The following MLST8 variants were observed in gnomAD, a reference collection of about 807,000 sequenced individuals.
MLST8 encodes target of rapamycin complex subunit LST8.
Under a neutral mutation model 41.3 loss-of-function variants are expected in MLST8, and 20 were observed. The ratio of observed to expected loss-of-function variants is 0.48; its 90% CI spans 0.34 to 0.70. The LOEUF (loss-of-function observed/expected upper bound fraction) is 0.70. Ranked by LOEUF, MLST8 falls within the 30% of genes least tolerant of loss-of-function variation. The pLI is 0.01. For synonymous variants in MLST8, 243 were observed against 183.0 expected, an observed-to-expected ratio of 1.33 and a Z score of -2.65; for missense variants, 422 against 454.3, an observed-to-expected ratio of 0.93 and a Z score of 0.65.
Position 2,208,968 on chromosome 16 carries a change from C to A in MLST8, c.*91C>A. On this transcript the variant is annotated 3_prime_UTR_variant, in exon 9 of 9. Coordinates refer to ENST00000569417, the MANE Select transcript of MLST8 (RefSeq NM_022372.6). Reference sequence around the variant, plus strand: ...GTCAGAGCAGACCCTCCCCTGCCGGCCTGCGCCAGCTGGACCTGATGGCCC... The same window carrying A: ...GTCAGAGCAGACCCTCCCCTGCCGGACTGCGCCAGCTGGACCTGATGGCCC... 7.1e-7 allele frequency: 1 copy of A among 1,416,866 alleles called. No individual in the cohort carries two copies. Among genetic ancestry groups the A allele is most frequent in the Non-Finnish European group, 9.8e-7 (1 of 1,019,744 alleles). 87.8% of individuals were successfully genotyped at this position (1,416,866 alleles called of 1,614,324 possible). A position where few individuals can be genotyped will look rare whatever the true frequency, so the allele number is the denominator to read the frequency against.
In MLST8 at chr16:2,207,016, G is replaced by T. The variant is rs1295959288; in HGVS notation, c.345-19G>T. On this transcript the variant is annotated intron_variant, in intron 4 of 8. Coordinates refer to ENST00000569417, the MANE Select transcript of MLST8 (RefSeq NM_022372.6). ...CAACAAGCCCAGATGGACAGCATGT[G>T]CCCCGGCCCGGCCCGCAGGTCCCGG... 1.9e-6 allele frequency: 3 copies of T among 1,612,150 alleles called. No homozygotes were observed. Among genetic ancestry groups the T allele is most frequent in the Admixed American group, 3.3e-5 (2 of 59,948 alleles).
chr16:2,207,734 G>A, intron 6 of MLST8: 1 of 269,552 alleles, frequency 3.7e-6, no homozygotes. Context: ...GTCAGTATCA[G>A]CCAGGTGGCG....
chr16:2,208,529 A>G lies in MLST8; in HGVS notation c.778A>G (p.Ile260Val), dbSNP rs2093342680. The change falls in exon 8 of 9, where the codon ATC becomes GTC. Residue 260 changes from isoleucine to valine, a missense_variant. By Grantham distance (29) the Ile-to-Val change is conservative. Transcript: ENST00000569417. ...CTTCTCCCTGATGACGGAGCTGAGCATCAAGAGCGGCAACCCCGGGGAGTC... is the reference window on the plus strand; with the variant it reads ...CTTCTCCCTGATGACGGAGCTGAGCGTCAAGAGCGGCAACCCCGGGGAGTC... ...SNFSLMTELS[I>V]KSGNPGESSR... 1.2e-6 allele frequency: 2 copies of G among 1,613,222 alleles called. No individual in the cohort carries two copies. The highest frequency in any genetic ancestry group is 1.7e-6 in the Non-Finnish European group (2 of 1,179,886).
intron 1 of MLST8, 178 bp from the exon 2 acceptor site, chr16:2,205,853 G>A: frequency 7.7e-7 from 1 of 1,299,846 alleles, no homozygotes; most frequent in Non-Finnish European, 9.9e-7. Flanking sequence ...GATGGAGCAC[G>A]CGCCCTGGAG....
In MLST8 at chr16:2,208,195, C is replaced by T. The variant is rs778966879; in HGVS notation, c.574-15C>T. ...GAGGCCTTGGGCCCTCCGTGACGGT[C>T]CTCCTGACCTCTAGGGAAACTGCTA... On this transcript the variant is annotated splice_polypyrimidine_tract_variant and intron_variant, in intron 6 of 8. Coordinates refer to ENST00000569417, the MANE Select transcript of MLST8 (RefSeq NM_022372.6). The T allele has an allele frequency of 1.9e-6, 3 of 1,595,578 alleles. No individual in the cohort carries two copies. The highest frequency in any genetic ancestry group is 1.3e-5 in the African/African-American group (1 of 74,496).
rs762825593 is a variant in MLST8, at chr16:2,209,394, C to T, written c.*517C>T. ...GGGAGGTAATAAAAGCAGACCGACA[C>T]GCAGATGTTGCTCGGGAAGCAGATG... On this transcript the variant is annotated 3_prime_UTR_variant, in exon 9 of 9. Transcript: ENST00000569417. 16 of 1,613,630 alleles carry T rather than the reference C, an allele frequency of 9.9e-6. No homozygotes were observed. The highest frequency in any genetic ancestry group is 4.0e-5 in the African/African-American group (3 of 74,930).
At position 2,209,449 on chromosome 16, in the gene MLST8, C is replaced by T; in HGVS notation, c.*572C>T. The T allele has an allele frequency of 1.9e-6, 3 of 1,613,660 alleles. No individual in the cohort carries two copies. The highest frequency in any genetic ancestry group is 2.5e-6 in the Non-Finnish European group (3 of 1,179,980). ...TGCAGAGATAAATCAGCCGCTGTCTCCGGGGCCCTGTGGCGAGGGTGCCGT... is the reference window on the plus strand; with the variant it reads ...TGCAGAGATAAATCAGCCGCTGTCTTCGGGGCCCTGTGGCGAGGGTGCCGT... On this transcript the variant is annotated 3_prime_UTR_variant, in exon 9 of 9. Coordinates refer to ENST00000569417, the MANE Select transcript of MLST8 (RefSeq NM_022372.6).
At position 2,206,530 on chromosome 16, in the gene MLST8, C is replaced by T; in HGVS notation, c.215C>T (p.Ser72Phe). 4.3e-6 allele frequency: 7 copies of T among 1,613,032 alleles called. No homozygotes were observed. Among genetic ancestry groups the T allele is most frequent in the Non-Finnish European group, 5.1e-6 (6 of 1,179,096 alleles). ...CACATCCGCATGTATGATCTCAACT[C>T]CAATAACCCTAACCCCATCATCAGC... Reference protein sequence around the residue: ...YQHIRMYDLNSNNPNPIISYD... With the variant: ...YQHIRMYDLNFNNPNPIISYD... Residue 72 changes from serine to phenylalanine, a missense_variant, in exon 4 of 9, where the codon TCC becomes TTC. Ser to Phe is a radical substitution (Grantham distance 155, BLOSUM62 -2). Transcript: ENST00000569417.
chr16:2,208,281 G>A lies in MLST8; in HGVS notation c.645G>A (p.Lys215=). The change falls in exon 7 of 9, where the codon AAG becomes AAA. Residue 215 remains lysine (K), a synonymous_variant. Coordinates refer to ENST00000569417, the MANE Select transcript of MLST8 (RefSeq NM_022372.6). ...DEVTQLIPKT[K]IPAHTRYALQ... ...TGACCCAGCTCATCCCCAAGACTAA[G>A]ATCCCTGCCCACACGCGCTACGCCC... 6.2e-7 allele frequency: 1 copy of A among 1,613,566 alleles called. No homozygotes were observed. The highest frequency in any genetic ancestry group is 8.5e-7 in the Non-Finnish European group (1 of 1,179,744).
At chr16:2,207,577 C>A in intron 6 of MLST8, 1 of 567,874 alleles carries the variant, frequency 1.8e-6, no homozygotes, top group African/African-American at 1.9e-5. Flanking sequence ...AGTCGATCCA[C>A]TTCCCTCTTT....
Position 2,209,257 on chromosome 16 carries a change from G to A in MLST8, c.*380G>A. 1 of 1,081,338 alleles carries A rather than the reference G, an allele frequency of 9.2e-7. No individual in the cohort carries two copies. The highest frequency in any genetic ancestry group is 1.5e-5 in the South Asian group (1 of 67,856). The allele number at this position is 1,081,338 out of a possible 1,614,324, so 67.0% of individuals were successfully genotyped here. On this transcript the variant is annotated 3_prime_UTR_variant, in exon 9 of 9. Transcript: ENST00000569417. ...ATAGAGAACACCACCACCATGGCCAGGTGGAAGGGTTTATTAGTCCCTGCC... is the reference window on the plus strand; with the variant it reads ...ATAGAGAACACCACCACCATGGCCAAGTGGAAGGGTTTATTAGTCCCTGCC...
rs934074433 is a variant in MLST8, at chr16:2,209,073, C to T, written c.*196C>T. 1.8e-5 allele frequency: 12 copies of T among 668,640 alleles called. No homozygotes were observed. Among genetic ancestry groups the T allele is most frequent in the East Asian group, 1.1e-4 (4 of 36,768 alleles). The allele number at this position is 668,640 out of a possible 1,614,324, so 41.4% of individuals were successfully genotyped here. A position where few individuals can be genotyped will look rare whatever the true frequency, so the allele number is the denominator to read the frequency against. Reference sequence around the variant, plus strand: ...TTGCTTATCCAGATGTGACAGAGCTCGACCCAAGCCAGGCTGCACACTCCT... The same window carrying T: ...TTGCTTATCCAGATGTGACAGAGCTTGACCCAAGCCAGGCTGCACACTCCT... On this transcript the variant is annotated 3_prime_UTR_variant, in exon 9 of 9. Transcript: ENST00000569417.
At chr16:2,206,283 G>C (rs2093287316) in intron 2 of MLST8, 69 bp downstream of exon 2, 1 of 1,606,260 alleles carries the variant, frequency 6.2e-7, no homozygotes, top group African/African-American at 1.3e-5. Context: ...CAGCCTGTGT[G>C]AAGGCCAGAT....
intron 4 of MLST8, 47 bp downstream of exon 4, chr16:2,206,706 C>G (rs765537400): frequency 1.6e-5 from 26 of 1,596,590 alleles, no homozygotes; most frequent in Non-Finnish European, 2.1e-5. Flanking sequence ...GTGGGCTGCT[C>G]TGGGAGACCG....
chr16:2,208,004 C>T, intron 6 of MLST8: 1 of 510,746 alleles, frequency 2.0e-6, no homozygotes. Context: ...CAGGCGTGGC[C>T]TCCTGTTCTT....
Position 2,208,769 on chromosome 16 carries a change from C to T in MLST8, c.873C>T (p.Asp291=), listed in dbSNP as rs1173904096. The T allele has an allele frequency of 3.7e-6, 6 of 1,614,008 alleles. No homozygotes were observed. Among genetic ancestry groups the T allele is most frequent in the South Asian group, 1.1e-5 (1 of 91,084 alleles). Residue 291 remains aspartate, a synonymous_variant, in exon 9 of 9, where the codon GAC becomes GAT. Coordinates refer to ENST00000569417, the MANE Select transcript of MLST8 (RefSeq NM_022372.6). ...DSQYIVTASS[D]NLARLWCVET... is the part of the protein sequence containing the mutation. ...AATCTCCCCCTCCAGCTTCCTCGGA[C>T]AACCTGGCCCGGCTCTGGTGTGTGG...
In MLST8 at chr16:2,207,237, G is replaced by A. The variant is rs1469800868; in HGVS notation, c.465G>A (p.Trp155Ter). The change falls in exon 6 of 9, where the codon TGG becomes TGA. Residue 155 changes from tryptophan (W) to a stop codon, truncating the protein, a stop_gained. Coordinates refer to ENST00000569417, the MANE Select transcript of MLST8 (RefSeq NM_022372.6). LOFTEE classifies it high-confidence loss of function. ...ACCAGAGCGGGGCTATCCACATCTG[G>A]GACTTGAAAACAGACCACAACGAGC... ...VGDQSGAIHI[W>*]DLKTDHNEQL... is the part of the protein sequence containing the mutation. 6.2e-7 allele frequency: 1 copy of A among 1,614,166 alleles called. No homozygotes were observed. The highest frequency in any genetic ancestry group is 8.5e-7 in the Non-Finnish European group (1 of 1,180,014).
Position 2,206,084 on chromosome 16 carries a change from C to A in MLST8, c.-2C>A. On this transcript the variant is annotated 5_prime_UTR_variant, in exon 2 of 9. Transcript: ENST00000569417. Reference sequence around the variant, plus strand: ...AGCTCTAGGGCCCGTGCAGGCCACACCATGAACACCTCCCCAGGCACGGTG... The same window carrying A: ...AGCTCTAGGGCCCGTGCAGGCCACAACATGAACACCTCCCCAGGCACGGTG... 1.9e-6 allele frequency: 3 copies of A among 1,596,914 alleles called. No individual in the cohort carries two copies. Among genetic ancestry groups the A allele is most frequent in the Non-Finnish European group, 2.6e-6 (3 of 1,168,900 alleles).
Position 2,208,343 on chromosome 16 carries a change from A to C in MLST8, c.698+9A>C. On this transcript the variant is annotated intron_variant, in intron 7 of 8. Transcript: ENST00000569417. ...TTCAGCCCCGACTCCACGTGCGTGC[A>C]GGGCCTGCTGGCCCGGGAGGGGACC... The C allele has an allele frequency of 6.2e-7, 1 of 1,605,592 alleles. No individual in the cohort carries two copies. The highest frequency in any genetic ancestry group is 8.5e-7 in the Non-Finnish European group (1 of 1,174,420).
Sources: gnomAD v4.1 joint callset for allele counts on GRCh38, gnomAD v4.1.1 for gene constraint, MANE v1.5 for transcripts, NCBI Gene and HGNC (gene_info 2026-07-23, HGNC 2026-07-21) for gene names.